The following LRRN2 variants were observed in gnomAD, a reference collection of about 807,000 sequenced individuals.
LRRN2 encodes the protein leucine-rich repeat neuronal protein 2.
In LRRN2, 10 loss-of-function variants were observed where a neutral mutation model predicts 35.7. The ratio of observed to expected loss-of-function variants is 0.28; its 90% CI spans 0.17 to 0.47. The LOEUF (loss-of-function observed/expected upper bound fraction) is 0.47. Among genes scored for constraint, LRRN2 ranks in the 20% least tolerant of loss-of-function variants. LRRN2 has a pLI of 0.99. For synonymous variants in LRRN2, 391 were observed against 409.6 expected (o/e 0.95, Z 0.55); for missense variants, 731 against 940.3 (o/e 0.78, Z 2.91).
At position 204,619,811 on chromosome 1, in the gene LRRN2, G is replaced by A. The variant is rs760442924; in HGVS notation, c.182C>T (p.Thr61Met). 48 of 1,614,042 alleles carry A rather than the reference G, an allele frequency of 3.0e-5. No homozygotes were observed. Among genetic ancestry groups the A allele is most frequent in the South Asian group, 1.9e-4 (17 of 91,076 alleles). ...TTVDCNDLFL[T>M]AVPPALPAGT... ...TGCGGGGAGTGCCGGGGGGACTGCC[G>A]TCAGGAATAGGTCATTGCAGTCCAC... Residue 61 changes from threonine to methionine, a missense_variant, in exon 2 of 2, where the codon ACG (threonine) becomes ATG (methionine). Transcript: ENST00000367177.
chr1:204,652,342 T>G (rs1357864570), intron 1 of LRRN2, among the ~76,000 whole-genome samples: 1 of 139,134 alleles, frequency 7.2e-6, no homozygotes, highest in Non-Finnish European at 1.5e-5. Flanking sequence ...CCCACCCCTC[T>G]CCCGGTTCAG....
In LRRN2 at chr1:204,679,493, C is replaced by A. The variant is rs147996794; in HGVS notation, c.-227+5827G>T. On this transcript the variant is annotated intron_variant, in intron 1 of 1. Transcript: ENST00000367177. ...GGACAGACCCATTCTTCCTGGGGAA[C>A]CCAGGCTGGTTGCTAATAATCACTG... Among the ~76,000 whole-genome samples, 39 of 152,368 alleles carry A rather than the reference C, an allele frequency of 2.6e-4. No individual in the cohort carries two copies. The East Asian group carries it at 7.3e-3, about 29-fold the overall frequency.
intron 1 of LRRN2, among the ~76,000 whole-genome samples, chr1:204,666,117 C>A (rs1668569803): frequency 6.6e-6 from 1 of 152,178 alleles, no homozygotes; most frequent in South Asian, 2.1e-4. Flanking sequence ...AATTTGGAAC[C>A]AAAAGCTCTG....
chr1:204,638,507 G>A (rs1667900296), intron 1 of LRRN2, among the ~76,000 whole-genome samples: 1 of 139,946 alleles, frequency 7.1e-6, no homozygotes, highest in African/African-American at 2.6e-5. Context: ...CGCCCTCTAG[G>A]TTTAAGCAAT....
chr1:204,642,482 C>T (rs1668002745), intron 1 of LRRN2, among the ~76,000 whole-genome samples: 1 of 152,106 alleles, frequency 6.6e-6, no homozygotes, highest in Non-Finnish European at 1.5e-5. Flanking sequence ...GCGCTCCCAT[C>T]AGCCCTCACA....
intron 1 of LRRN2, among the ~76,000 whole-genome samples, chr1:204,665,989 C>T (rs576057149): frequency 2.0e-5 from 3 of 152,212 alleles, no homozygotes; most frequent in Non-Finnish European, 4.4e-5. Flanking sequence ...TGACCCAGCA[C>T]CTGCTGGGAG....
In LRRN2 at chr1:204,620,190, G is replaced by A; in HGVS notation, c.-198C>T. ...TGTCCTCTGGGGCTGGGCCTGCTCA[G>A]TCATTGCCAGGCCCCATCAGGGGCA... On this transcript the variant is annotated 5_prime_UTR_variant, in exon 2 of 2. Transcript: ENST00000367177. 6.9e-7 allele frequency: 1 copy of A among 1,444,722 alleles called. No homozygotes were observed. Among genetic ancestry groups the A allele is most frequent in the African/African-American group, 1.4e-5 (1 of 69,688 alleles). 89.5% of individuals were successfully genotyped at this position (1,444,722 alleles called of 1,614,324 possible). A position where few individuals can be genotyped will look rare whatever the true frequency, so the allele number is the denominator to read the frequency against.
At chr1:204,657,196 T>C (rs954569555) in intron 1 of LRRN2, among the ~76,000 whole-genome samples, 6 of 151,962 alleles carry the variant, frequency 3.9e-5, no homozygotes, top group Non-Finnish European at 7.4e-5. Context: ...TCCCAGCTAC[T>C]TGGGAGGCTG....
At chr1:204,669,318 G>A (rs1346657991) in intron 1 of LRRN2, among the ~76,000 whole-genome samples, 10 of 152,230 alleles carry the variant, frequency 6.6e-5, no homozygotes, top group South Asian at 6.2e-4. Flanking sequence ...CTTTCCTTTC[G>A]GACTTTTTCA....
At chr1:204,641,665 C>T (rs1055232195) in intron 1 of LRRN2, among the ~76,000 whole-genome samples, 2 of 152,220 alleles carry the variant, frequency 1.3e-5, no homozygotes, top group Admixed American at 1.3e-4. Context: ...GGTCACACAG[C>T]TAGTACATGT....
At chr1:204,665,478 G>C (rs1668558652) in intron 1 of LRRN2, among the ~76,000 whole-genome samples, 2 of 152,120 alleles carry the variant, frequency 1.3e-5, no homozygotes, top group South Asian at 4.2e-4. Flanking sequence ...ATCATTAGTA[G>C]TTGCTTGAGG....
At chr1:204,644,367 C>G (rs992142268) in intron 1 of LRRN2, among the ~76,000 whole-genome samples, 1 of 152,080 alleles carries the variant, frequency 6.6e-6, no homozygotes, top group African/African-American at 2.4e-5. Flanking sequence ...AGGTCACTTT[C>G]TCTCCTTTCT....
chr1:204,657,970 CTTTTTTTTTTTTT>C (rs56792483), intron 1 of LRRN2, among the ~76,000 whole-genome samples: 17 of 75,258 alleles, frequency 2.3e-4, no homozygotes, highest in East Asian at 3.9e-4. Flanking sequence ...GCCAATGGTT[CTTTTTTTTTTTTT>C]TTTTTTTTTT....
intron 1 of LRRN2, among the ~76,000 whole-genome samples, chr1:204,631,013 G>A (rs908729022): frequency 5.3e-5 from 8 of 151,490 alleles, no homozygotes; most frequent in African/African-American, 1.9e-4. Context: ...TGTAGTCCCC[G>A]GACCAGTAGT....
intron 1 of LRRN2, among the ~76,000 whole-genome samples, chr1:204,680,777 G>T (rs183391205): frequency 6.6e-6 from 1 of 152,268 alleles, no homozygotes; most frequent in African/African-American, 2.4e-5. Context: ...TTCACAAAGA[G>T]CAATGAACAC....
In LRRN2 at chr1:204,618,334, G is replaced by T; in HGVS notation, c.1659C>A (p.Ser553=). Residue 553 remains serine (S), a synonymous_variant, in exon 2 of 2, where the codon TCC becomes TCA. Transcript: ENST00000367177. ...AGGCACTGGACCAGGTGAGGTTGGT[G>T]GACACTGTGTTGGGTGGGGTGACCC... The part of the protein sequence containing the change: ...LSWVTPPNTV[S]TNLTWSSASS... 1 of 1,594,004 alleles carries T rather than the reference G, an allele frequency of 6.3e-7. No individual in the cohort carries two copies. Among genetic ancestry groups the T allele is most frequent in the Non-Finnish European group, 8.6e-7 (1 of 1,169,244 alleles).
chr1:204,634,281 C>A (rs1248043752), intron 1 of LRRN2, among the ~76,000 whole-genome samples: 3 of 152,120 alleles, frequency 2.0e-5, no homozygotes, highest in African/African-American at 7.2e-5. Flanking sequence ...GAGGGGAGCA[C>A]CTGGTCCTTG....
At chr1:204,623,225 G>A (rs1571615207) in intron 1 of LRRN2, among the ~76,000 whole-genome samples, 1 of 152,164 alleles carries the variant, frequency 6.6e-6, no homozygotes, top group South Asian at 2.1e-4. Context: ...GACCCTACCC[G>A]AGTCCAGTTT....
At position 204,617,424 on chromosome 1, in the gene LRRN2, T is replaced by G; in HGVS notation, c.*427A>C. On this transcript the variant is annotated 3_prime_UTR_variant, in exon 2 of 2. Coordinates refer to ENST00000367177, the MANE Select transcript of LRRN2 (RefSeq NM_201630.2). ...CCACATTGAGGGCAGCCCCCCGAGGTGAGATGGAGTGGCCTCCTTCAGCCC... is the reference window on the plus strand; with the variant it reads ...CCACATTGAGGGCAGCCCCCCGAGGGGAGATGGAGTGGCCTCCTTCAGCCC... The G allele has an allele frequency of 5.9e-6, 1 of 168,170 alleles. No homozygotes were observed. Among genetic ancestry groups the G allele is most frequent in the South Asian group, 1.5e-4 (1 of 6,664 alleles). The allele number at this position is 168,170 out of a possible 1,614,324, so 10.4% of individuals were successfully genotyped here.
Sources: allele counts gnomAD v4.1 joint callset (sites outside exome capture counted in the v4.1 genomes callset), GRCh38; gene constraint gnomAD v4.1.1; transcripts MANE v1.5; gene names NCBI Gene and HGNC (gene_info 2026-07-23, HGNC 2026-07-21).